The following AIG1 variants were observed in gnomAD, a reference collection of about 807,000 sequenced individuals.
The protein encoded by AIG1 is androgen-induced gene 1 protein.
Under a neutral mutation model 31.4 loss-of-function variants are expected in AIG1, and 23 were observed. The ratio of observed to expected loss-of-function variants is 0.73; its 90% CI spans 0.53 to 1.04. The LOEUF is 1.04. AIG1 is among the 50% of genes least tolerant of loss of function. The pLI, the probability that AIG1 is intolerant of heterozygous loss-of-function variation, is 0.00. For missense variants in AIG1, 274 were observed against 295.0 expected, an observed-to-expected ratio of 0.93 and a Z score of 0.52; for synonymous variants, 100 against 110.5, an observed-to-expected ratio of 0.90 and a Z score of 0.60.
chr6:143,153,061 T>C (rs1183512234), intron 2 of AIG1, among the ~76,000 whole-genome samples: 1 of 152,172 alleles, frequency 6.6e-6, no homozygotes, highest in Non-Finnish European at 1.5e-5. Context: ...AGACCCCATC[T>C]GCAAATCCAG....
intron 4 of AIG1, among the ~76,000 whole-genome samples, chr6:143,303,353 T>G (rs1474353692): frequency 6.6e-6 from 1 of 152,038 alleles, no homozygotes; most frequent in Non-Finnish European, 1.5e-5. Flanking sequence ...GTTTTTATGG[T>G]TTTAGGTCTA....
chr6:143,192,490 A>G (rs1789876092), intron 3 of AIG1, among the ~76,000 whole-genome samples: 1 of 151,970 alleles, frequency 6.6e-6, no homozygotes, highest in South Asian at 2.1e-4. Flanking sequence ...CTGTAGTCCC[A>G]GCTTCTCGGG....
chr6:143,160,842 T>A (rs1786297994), intron 2 of AIG1, among the ~76,000 whole-genome samples: 1 of 152,238 alleles, frequency 6.6e-6, no homozygotes, highest in South Asian at 2.1e-4. Flanking sequence ...CCTGACCTTC[T>A]AGTATTACAC....
intron 4 of AIG1, among the ~76,000 whole-genome samples, chr6:143,304,597 G>A: frequency 6.6e-6 from 1 of 152,082 alleles, no homozygotes; most frequent in Non-Finnish European, 1.5e-5. Context: ...TGGTTGATAA[G>A]CTTTTTGATG....
intron 4 of AIG1, among the ~76,000 whole-genome samples, chr6:143,305,025 T>A (rs1562575313): frequency 6.6e-6 from 1 of 152,200 alleles, no homozygotes; most frequent in African/African-American, 2.4e-5. Flanking sequence ...GAGGTGTTTG[T>A]AGTATTCTCT....
At chr6:143,063,616 G>A (rs1175086587) in intron 1 of AIG1, among the ~76,000 whole-genome samples, 6 of 152,148 alleles carry the variant, frequency 3.9e-5, no homozygotes, top group Non-Finnish European at 5.9e-5. Context: ...TAAAAAGACC[G>A]TAAACTTTAT....
At chr6:143,269,347 A>T (rs577994099) in intron 3 of AIG1, among the ~76,000 whole-genome samples, 16 of 152,158 alleles carry the variant, frequency 1.1e-4, no homozygotes, top group South Asian at 2.1e-4. Context: ...AATAAGTGGA[A>T]CTCTCATACA....
chr6:143,079,362 C>T (rs1422780078), intron 1 of AIG1, among the ~76,000 whole-genome samples: 7 of 152,162 alleles, frequency 4.6e-5, no homozygotes, highest in East Asian at 1.9e-4. Context: ...ATGCAGTCTG[C>T]ACTCAGGTCA....
chr6:143,115,202 A>G (rs1424777070), intron 1 of AIG1, among the ~76,000 whole-genome samples: 2 of 152,238 alleles, frequency 1.3e-5, no homozygotes, highest in Non-Finnish European at 2.9e-5. Flanking sequence ...ACCAAGTAAG[A>G]TACATTTCTA....
chr6:143,228,432 C>T lies in AIG1; in HGVS notation c.400-55678C>T, dbSNP rs183724975. Among the ~76,000 whole-genome samples, 33 of 152,282 alleles carry T rather than the reference C, an allele frequency of 2.2e-4. No homozygotes were observed. In the East Asian group the frequency reaches 4.8e-3, roughly 22 times the overall value. Reference sequence around the variant, plus strand: ...CCTCTACAGCGGGGACTGAGAAAGACGGTGGCCCTCTGCAGGACTGTGTGT... The same window carrying T: ...CCTCTACAGCGGGGACTGAGAAAGATGGTGGCCCTCTGCAGGACTGTGTGT... On this transcript the variant is annotated intron_variant, in intron 3 of 5. Transcript: ENST00000357847.
chr6:143,113,213 A>C (rs1270614432), intron 1 of AIG1, among the ~76,000 whole-genome samples: 1 of 151,946 alleles, frequency 6.6e-6, no homozygotes, highest in Non-Finnish European at 1.5e-5. Context: ...AAAAGAAAAA[A>C]AAAAAGAGAA....
At chr6:143,073,101 G>T (rs1461016891) in intron 1 of AIG1, among the ~76,000 whole-genome samples, 3 of 151,808 alleles carry the variant, frequency 2.0e-5, no homozygotes, top group Non-Finnish European at 4.4e-5. Flanking sequence ...AATTTTTTTT[G>T]GATTTCACGT....
intron 3 of AIG1, among the ~76,000 whole-genome samples, chr6:143,242,967 C>T (rs1258456086): frequency 6.6e-6 from 1 of 152,136 alleles, no homozygotes; most frequent in Non-Finnish European, 1.5e-5. Flanking sequence ...CTGAGACTAG[C>T]GCCTATCTGA....
chr6:143,187,373 T>C (rs777346331), intron 3 of AIG1: 1 of 1,527,260 alleles, frequency 6.5e-7, no homozygotes, highest in Non-Finnish European at 8.8e-7. Context: ...TCTCATTTAT[T>C]TGTTTAATTT....
intron 1 of AIG1, among the ~76,000 whole-genome samples, chr6:143,124,359 GCAGTC>G (rs1782499977): frequency 6.6e-6 from 1 of 152,188 alleles, no homozygotes; most frequent in African/African-American, 2.4e-5. Context: ...AAGGGAATGT[GCAGTC>G]CCTCAGTGAC....
rs536587807 is a variant in AIG1 at position 143,280,024 on chromosome 6, T to C, written c.400-4086T>C. Among the ~76,000 whole-genome samples the C allele has an allele frequency of 6.6e-6, 1 of 152,364 alleles. No homozygotes were observed. Among genetic ancestry groups the C allele is most frequent in the East Asian group, 1.9e-4 (1 of 5,188 alleles). On this transcript the variant is annotated intron_variant, in intron 3 of 5. Coordinates refer to ENST00000357847, the MANE Select transcript of AIG1 (RefSeq NM_016108.4). The surrounding 1 kb of genome is among the most constrained non-coding windows in gnomAD (Gnocchi z 4.1). ...CTGCAGAAAACAGTCCAAACAATTC[T>C]TAAGAGCTAAGAGCCACCTTTGGTG...
At chr6:143,142,018 C>T (rs1175949843) in intron 2 of AIG1, among the ~76,000 whole-genome samples, 1 of 151,922 alleles carries the variant, frequency 6.6e-6, no homozygotes, top group Non-Finnish European at 1.5e-5. Flanking sequence ...AACTGCCTAC[C>T]AAAGCAGCCG....
At chr6:143,170,017 T>C (rs1296150592) in intron 3 of AIG1, among the ~76,000 whole-genome samples, 1 of 152,172 alleles carries the variant, frequency 6.6e-6, no homozygotes, top group Non-Finnish European at 1.5e-5. Context: ...TTTGCATCTA[T>C]GCTCATCAGA....
Position 143,081,852 on chromosome 6 carries a change from G to T in AIG1, c.141+20786G>T, listed in dbSNP as rs540246390. On this transcript the variant is annotated intron_variant, in intron 1 of 5. Transcript: ENST00000357847. ...TACTGGAGCTTGGTTTCCCAGAGGG[G>T]ATTACCCCATACTAGGGGTCCTTCT... 3.9e-5 allele frequency among the ~76,000 whole-genome samples: 6 copies of T among 152,234 alleles called. No homozygotes were observed. In the South Asian group the frequency reaches 1.0e-3, roughly 26 times the overall value.
Sources: allele counts gnomAD v4.1 joint callset (sites outside exome capture counted in the v4.1 genomes callset), GRCh38; gene constraint gnomAD v4.1.1; non-coding constraint Gnocchi (gnomAD v3.1); transcripts MANE v1.5; gene names NCBI Gene and HGNC (gene_info 2026-07-23, HGNC 2026-07-21).